The following SAMD4A variants were observed in gnomAD, a reference collection of about 807,000 sequenced individuals.
SAMD4A encodes the protein protein Smaug homolog 1.
In SAMD4A, 33 loss-of-function variants were observed where a neutral mutation model predicts 81.3. The ratio of observed to expected loss-of-function variants is 0.41; its 90% CI spans 0.31 to 0.54. SAMD4A has a LOEUF of 0.54. Ranked by LOEUF, SAMD4A falls within the 20% of genes least tolerant of loss-of-function variation. SAMD4A has a pLI of 0.37. For missense variants in SAMD4A, 854 were observed against 951.1 expected, an observed-to-expected ratio of 0.90 and a Z score of 1.34; for synonymous variants, 389 against 382.1, an observed-to-expected ratio of 1.02 and a Z score of -0.21.
intron 2 of SAMD4A, among the ~76,000 whole-genome samples, chr14:54,678,857 G>A (rs1163138461): frequency 6.6e-6 from 1 of 152,164 alleles, no homozygotes; most frequent in Non-Finnish European, 1.5e-5. Flanking sequence ...CTGATCTTTA[G>A]GGAAAGCATG....
Position 54,595,359 on chromosome 14 carries a change from G to A in SAMD4A, c.196+27247G>A, listed in dbSNP as rs534210873. 6.0e-5 allele frequency among the ~76,000 whole-genome samples: 9 copies of A among 150,794 alleles called. No homozygotes were observed. In the South Asian group the frequency reaches 1.7e-3, roughly 28 times the overall value. ...GTCAGAGTCCTCTTATCTTCATAGC[G>A]GCAGAGTCAAAATGGGTACAGGGCT... On this transcript the variant is annotated intron_variant, in intron 2 of 12. Transcript: ENST00000554335.
intron 3 of SAMD4A, among the ~76,000 whole-genome samples, chr14:54,709,154 A>G (rs1357281917): frequency 6.6e-6 from 1 of 151,928 alleles, no homozygotes; most frequent in African/African-American, 2.4e-5. Flanking sequence ...GTGTGTGTCT[A>G]TAGTCCCATC....
Position 54,785,868 on chromosome 14 carries a change from C to G in SAMD4A, c.2128+1248C>G, listed in dbSNP as rs2039127368. ...CTTCCAAGGGCATCACAGAGCTTCA[C>G]CAAACAGATGGTGGGAAGACACAGC... On this transcript the variant is annotated intron_variant, in intron 12 of 12. Transcript: ENST00000554335. 2.0e-5 allele frequency among the ~76,000 whole-genome samples: 3 copies of G among 152,224 alleles called. No individual in the cohort carries two copies. The South Asian group carries it at 6.2e-4, about 32-fold the overall frequency.
intron 2 of SAMD4A, chr14:54,685,568 C>A: frequency 2.4e-6 from 1 of 410,216 alleles, no homozygotes; most frequent in South Asian, 1.8e-5. Context: ...AACATTGGTA[C>A]GCTAGTACTT....
In SAMD4A at chr14:54,763,772, G is replaced by C. The variant is rs115880816; in HGVS notation, c.1511-683G>C. On this transcript the variant is annotated intron_variant, in intron 7 of 12. Transcript: ENST00000554335. ...AATCGTCACCTCTACAATGAGACCAGAATGGGCCACAGTAACATGGCCGTG... is the reference window on the plus strand; with the variant it reads ...AATCGTCACCTCTACAATGAGACCACAATGGGCCACAGTAACATGGCCGTG... Among the ~76,000 whole-genome samples, 1,278 of 152,284 alleles carry C rather than the reference G, an allele frequency of 8.4e-3. 21 individuals carry two copies. The highest frequency in any genetic ancestry group is 0.029 in the African/African-American group (1,190 of 41,552).
chr14:54,751,628 T>A, intron 6 of SAMD4A, 91 bp downstream of exon 6: 1 of 828,202 alleles, frequency 1.2e-6, no homozygotes, highest in Non-Finnish European at 2.1e-6. Flanking sequence ...CGACAGACCT[T>A]CTAGAGCGTA....
At chr14:54,691,662 C>G (rs144120581) in intron 2 of SAMD4A, among the ~76,000 whole-genome samples, 1 of 151,960 alleles carries the variant, frequency 6.6e-6, no homozygotes, top group Non-Finnish European at 1.5e-5. Flanking sequence ...AAATCAGCAG[C>G]CTTTTACTGC....
chr14:54,743,321 A>G (rs964923874), intron 4 of SAMD4A, among the ~76,000 whole-genome samples: 1 of 152,168 alleles, frequency 6.6e-6, no homozygotes, highest in African/African-American at 2.4e-5. Flanking sequence ...TTAATTTCCA[A>G]ATGCCAAGAT....
At chr14:54,725,786 A>C (rs2037399414) in intron 3 of SAMD4A, among the ~76,000 whole-genome samples, 1 of 152,210 alleles carries the variant, frequency 6.6e-6, no homozygotes. Flanking sequence ...ACTAATGGGG[A>C]AAACTTTAGG....
chr14:54,761,678 C>T (rs1042947544), intron 7 of SAMD4A, among the ~76,000 whole-genome samples: 1 of 152,198 alleles, frequency 6.6e-6, no homozygotes, highest in African/African-American at 2.4e-5. Context: ...GTGCAGTGCA[C>T]AGCCTGCACA....
intron 2 of SAMD4A, among the ~76,000 whole-genome samples, chr14:54,692,091 C>G (rs1046430000): frequency 6.6e-6 from 1 of 152,210 alleles, no homozygotes; most frequent in Non-Finnish European, 1.5e-5. Context: ...TTCACACTTA[C>G]ACTTTGGATC....
At chr14:54,580,602 C>G (rs2033436193) in intron 2 of SAMD4A, among the ~76,000 whole-genome samples, 1 of 152,154 alleles carries the variant, frequency 6.6e-6, no homozygotes, top group Non-Finnish European at 1.5e-5. Context: ...TAAACAGTTC[C>G]TTACTGGGTG....
intron 2 of SAMD4A, among the ~76,000 whole-genome samples, chr14:54,616,551 A>T (rs1026957336): frequency 6.6e-6 from 1 of 152,210 alleles, no homozygotes; most frequent in African/African-American, 2.4e-5. Flanking sequence ...TGAGGCCCCA[A>T]GCTGGCAAGG....
At chr14:54,767,464 A>G (rs1027234889) in intron 8 of SAMD4A, among the ~76,000 whole-genome samples, 1 of 152,176 alleles carries the variant, frequency 6.6e-6, no homozygotes, top group Admixed American at 6.5e-5. Context: ...CTGAATTATA[A>G]TCCCAGGCCT....
intron 4 of SAMD4A, among the ~76,000 whole-genome samples, chr14:54,742,107 G>A (rs112360748): frequency 3.4e-4 from 51 of 152,148 alleles, no homozygotes; most frequent in Non-Finnish European, 6.0e-4. Flanking sequence ...GGTGGAGGAC[G>A]TTTCAGTAAT....
chr14:54,730,236 C>T (rs1335843395), intron 3 of SAMD4A, among the ~76,000 whole-genome samples: 1 of 152,200 alleles, frequency 6.6e-6, no homozygotes, highest in Non-Finnish European at 1.5e-5. Context: ...CTTTTCCCTG[C>T]ATCAGAATGC....
intron 2 of SAMD4A, among the ~76,000 whole-genome samples, chr14:54,620,375 A>G (rs2034587459): frequency 6.6e-6 from 1 of 152,118 alleles, no homozygotes. Flanking sequence ...CATCATCATC[A>G]TCATCATTAT....
At chr14:54,737,708 A>ATT (rs34133393) in intron 4 of SAMD4A, among the ~76,000 whole-genome samples, 17 of 147,998 alleles carry the variant, frequency 1.1e-4, no homozygotes, top group East Asian at 7.9e-4. Context: ...AAACCACGGG[A>ATT]TTTTTTTTTT....
chr14:54,777,554 T>C (rs937806886), intron 11 of SAMD4A, among the ~76,000 whole-genome samples: 1 of 152,060 alleles, frequency 6.6e-6, no homozygotes, highest in Non-Finnish European at 1.5e-5. Context: ...TCGTGGCCGA[T>C]GGTGGGGGAC....
Sources: gnomAD v4.1 joint callset for allele counts (sites outside exome capture counted in the v4.1 genomes callset) on GRCh38, gnomAD v4.1.1 for gene constraint, MANE v1.5 for transcripts, NCBI Gene and HGNC (gene_info 2026-07-23, HGNC 2026-07-21) for gene names.